The following YPEL2 variants were observed in gnomAD, a reference collection of about 807,000 sequenced individuals.
YPEL2 encodes yippee like 2.
YPEL2 carries 2 observed loss-of-function variants against 19.1 expected under a neutral mutation model. The ratio of observed to expected loss-of-function variants is 0.10; its 90% CI spans 0.04 to 0.33. YPEL2 has a LOEUF of 0.33. YPEL2 is among the 10% of genes least tolerant of loss of function. The probability of loss-of-function intolerance (pLI) is 1.00; values close to 1 mark genes in which losing one functional copy is unlikely to be tolerated. For synonymous variants in YPEL2, 52 were observed against 50.0 expected, an observed-to-expected ratio of 1.04 and a Z score of -0.17; for missense variants, 66 against 140.7, an observed-to-expected ratio of 0.47 and a Z score of 2.68.
intron 1 of YPEL2, among the ~76,000 whole-genome samples, chr17:59,344,579 G>A (rs1194521260): frequency 2.0e-5 from 3 of 152,108 alleles, no homozygotes; most frequent in Admixed American, 6.5e-5. Flanking sequence ...CCAACTTGGC[G>A]AAACCCCGTC....
chr17:59,369,664 A>ATTTTTTTCTTTTTTTCTT (rs2047887163), intron 2 of YPEL2, among the ~76,000 whole-genome samples: 1 of 152,180 alleles, frequency 6.6e-6, no homozygotes, highest in Admixed American at 6.5e-5. Context: ...CAGTACTAAT[A>ATTTTTTTCTTTTTTTCTT]TTTGGGAGCC....
intron 1 of YPEL2, among the ~76,000 whole-genome samples, chr17:59,351,358 GA>G (rs2047786706): frequency 6.6e-6 from 1 of 152,108 alleles, no homozygotes; most frequent in Admixed American, 6.6e-5. Context: ...CTGGAAGACA[GA>G]GTGTGAGACT....
At position 59,361,113 on chromosome 17, in the gene YPEL2, T is replaced by C. The variant is rs145047592; in HGVS notation, c.117+7587T>C. Among the ~76,000 whole-genome samples the C allele has an allele frequency of 3.9e-3, 599 of 152,332 alleles. 3 individuals are homozygous for C. The highest frequency in any genetic ancestry group is 0.013 in the African/African-American group (556 of 41,566). On this transcript the variant is annotated intron_variant, in intron 2 of 4. Coordinates refer to ENST00000312655, the MANE Select transcript of YPEL2 (RefSeq NM_001005404.4). ...TGCCAAAGTGCTGGGATTACAGATGTGAGCCACCGCACGCAGCTTGGGATA... is the reference window on the plus strand; with the variant it reads ...TGCCAAAGTGCTGGGATTACAGATGCGAGCCACCGCACGCAGCTTGGGATA...
At chr17:59,363,658 C>G (rs1387124356) in intron 2 of YPEL2, among the ~76,000 whole-genome samples, 1 of 152,186 alleles carries the variant, frequency 6.6e-6, no homozygotes, top group African/African-American at 2.4e-5. Flanking sequence ...CCAGGAACTC[C>G]TTTAGGTATT....
At chr17:59,360,539 A>G (rs1233646779) in intron 2 of YPEL2, among the ~76,000 whole-genome samples, 2 of 152,148 alleles carry the variant, frequency 1.3e-5, no homozygotes, top group African/African-American at 4.8e-5. Context: ...AAATTACTTA[A>G]TTATTTTCTT....
intron 1 of YPEL2, among the ~76,000 whole-genome samples, chr17:59,341,170 T>C (rs1221774071): frequency 6.7e-6 from 1 of 149,558 alleles, no homozygotes; most frequent in Non-Finnish European, 1.5e-5. Context: ...CCCAGCACTT[T>C]GGGAGGCCGA....
chr17:59,368,642 G>A (rs1180287561), intron 2 of YPEL2, among the ~76,000 whole-genome samples: 1 of 152,242 alleles, frequency 6.6e-6, no homozygotes, highest in Admixed American at 6.5e-5. Flanking sequence ...GGACCACAGG[G>A]AAGACAGATG....
At chr17:59,366,768 C>T (rs1278786617) in intron 2 of YPEL2, among the ~76,000 whole-genome samples, 2 of 152,170 alleles carry the variant, frequency 1.3e-5, no homozygotes, top group Non-Finnish European at 2.9e-5. Flanking sequence ...GAAACATTCA[C>T]CTAGGAAGCC....
At chr17:59,365,375 C>T (rs1044970105) in intron 2 of YPEL2, among the ~76,000 whole-genome samples, 2 of 152,192 alleles carry the variant, frequency 1.3e-5, no homozygotes, top group African/African-American at 2.4e-5. Flanking sequence ...AGCGAAGCCT[C>T]TCTAGAATGT....
intron 1 of YPEL2, among the ~76,000 whole-genome samples, chr17:59,334,395 G>C (rs990499514): frequency 4.1e-5 from 6 of 147,846 alleles, no homozygotes; most frequent in Non-Finnish European, 9.1e-5. Context: ...TTATTTGGGG[G>C]GGGGTGAGGA....
chr17:59,363,163 G>GAC (rs1483635238), intron 2 of YPEL2: 1 of 147,138 alleles, frequency 6.8e-6, no homozygotes, highest in Non-Finnish European at 1.5e-5. Context: ...TATATATATA[G>GAC]AGAGAGAGAG....
chr17:59,356,670 GC>G (rs2047814478), intron 2 of YPEL2, among the ~76,000 whole-genome samples: 1 of 152,208 alleles, frequency 6.6e-6, no homozygotes, highest in Non-Finnish European at 1.5e-5. Flanking sequence ...AAAACAAAAT[GC>G]CATAGACTAG....
chr17:59,355,965 G>T (rs1012029301), intron 2 of YPEL2: 2 of 152,104 alleles, frequency 1.3e-5, no homozygotes, highest in Admixed American at 6.5e-5. Context: ...ATTGCACAAA[G>T]CTTCCTTTAT....
chr17:59,397,962 G>GCTTA lies in YPEL2; in HGVS notation c.*772_*773insCTTA, dbSNP rs2048049463. 1 of 152,248 alleles carries GCTTA rather than the reference G, an allele frequency of 6.6e-6. No individual in the cohort carries two copies. Among genetic ancestry groups the GCTTA allele is most frequent in the Non-Finnish European group, 1.5e-5 (1 of 68,112 alleles). 9.4% of individuals were successfully genotyped at this position (152,248 alleles called of 1,614,324 possible). ...CTTTGCCTCTAGCCACCGTAGATAA[G>GCTTA]GTGTGAAGGGACTGCTGTTTGCAAT... On this transcript the variant is annotated 3_prime_UTR_variant, in exon 5 of 5. Transcript: ENST00000312655.
rs150746978 is a variant in YPEL2, at chr17:59,397,293, G to C, written c.*103G>C. The C allele has an allele frequency of 9.5e-5, 84 of 884,238 alleles. No homozygotes were observed. Among genetic ancestry groups the C allele is most frequent in the Middle Eastern group, 2.3e-4 (1 of 4,284 alleles). 54.8% of individuals were successfully genotyped at this position (884,238 alleles called of 1,614,324 possible). The stretch of plus-strand genomic sequence containing the variant: ...CTGACACTTGGTTCCATCCATTTAG[G>C]GGCCTTGCCATCCGGGGCATCCTCC... On this transcript the variant is annotated 3_prime_UTR_variant, in exon 5 of 5. Coordinates refer to ENST00000312655, the MANE Select transcript of YPEL2 (RefSeq NM_001005404.4).
intron 2 of YPEL2, among the ~76,000 whole-genome samples, chr17:59,370,950 T>G (rs1052309778): frequency 6.6e-6 from 1 of 152,082 alleles, no homozygotes; most frequent in African/African-American, 2.4e-5. Context: ...TTTTTTTGTT[T>G]TTGTTTTATT....
In YPEL2 at chr17:59,394,683, G is replaced by C. The variant is rs1351052307; in HGVS notation, c.271-2418G>C. ...AGAGAGGCTCCTCACTTCCCAGACGGGGTGGCGGCCGGGCAGAGGCTGCAA... is the reference window on the plus strand; with the variant it reads ...AGAGAGGCTCCTCACTTCCCAGACGCGGTGGCGGCCGGGCAGAGGCTGCAA... On this transcript the variant is annotated intron_variant, in intron 4 of 4. Transcript: ENST00000312655. Among the ~76,000 whole-genome samples, 3 of 152,124 alleles carry C rather than the reference G, an allele frequency of 2.0e-5. No homozygotes were observed. In the East Asian group the frequency reaches 5.8e-4, roughly 29 times the overall value.
At chr17:59,347,687 T>C (rs983436980) in intron 1 of YPEL2, among the ~76,000 whole-genome samples, 2 of 152,180 alleles carry the variant, frequency 1.3e-5, no homozygotes, top group African/African-American at 2.4e-5. Context: ...TCCAATATTA[T>C]TGCCGCCTTG....
At chr17:59,380,682 A>G (rs556019788) in intron 2 of YPEL2, among the ~76,000 whole-genome samples, 2 of 152,396 alleles carry the variant, frequency 1.3e-5, no homozygotes, top group South Asian at 4.1e-4. Context: ...CAAGGTAGTA[A>G]CATAGCTAGT....
Sources: gnomAD v4.1 joint callset for allele counts (sites outside exome capture counted in the v4.1 genomes callset) on GRCh38, gnomAD v4.1.1 for gene constraint, MANE v1.5 for transcripts, NCBI Gene and HGNC (gene_info 2026-07-23, HGNC 2026-07-21) for gene names.